The following FAM83F variants were observed in gnomAD, a reference collection of about 807,000 sequenced individuals.
FAM83F encodes protein FAM83F.
FAM83F carries 45 observed loss-of-function variants against 42.9 expected under a neutral mutation model. The ratio of observed to expected loss-of-function variants is 1.05; its 90% CI spans 0.83 to 1.35. The LOEUF is 1.35. FAM83F is among the 40% of genes most tolerant of loss of function. The pLI is 0.00. For missense variants in FAM83F, 617 were observed against 695.9 expected (o/e 0.89, Z 1.28); for synonymous variants, 306 against 298.3 (o/e 1.03, Z -0.27).
chr22:40,013,425 G>A (rs2067477725), intron 1 of FAM83F, among the ~76,000 whole-genome samples: 1 of 152,156 alleles, frequency 6.6e-6, no homozygotes, highest in South Asian at 2.1e-4. Context: ...TTGTGGATGT[G>A]TGTGGGTATA....
At chr22:40,022,718 C>T (rs2067529683) in intron 4 of FAM83F, among the ~76,000 whole-genome samples, 1 of 152,182 alleles carries the variant, frequency 6.6e-6, no homozygotes, top group South Asian at 2.1e-4. Context: ...CGGTGCCTTT[C>T]TCATCTCTGC....
Position 40,021,587 on chromosome 22 carries a change from G to A in FAM83F, c.1077G>A (p.Glu359=), listed in dbSNP as rs750538925. 2 of 1,574,480 alleles carry A rather than the reference G, an allele frequency of 1.3e-6. No homozygotes were observed. Among genetic ancestry groups the A allele is most frequent in the African/African-American group, 2.7e-5 (2 of 74,002 alleles). The part of the protein sequence containing the change: ...REAGGNPEGQ[E]EGASGGESAW... ...CGGGCGGCAACCCGGAGGGGCAGGA[G>A]GAGGGCGCCAGCGGTGGCGAGTCGG... The change falls in exon 4 of 5, where the codon GAG becomes GAA. Residue 359 remains glutamate (E), a synonymous_variant. Coordinates refer to ENST00000333407, the MANE Select transcript of FAM83F (RefSeq NM_138435.4). The surrounding 1 kb of genome is among the most constrained non-coding windows in gnomAD (Gnocchi z 8.7).
rs1383906444 is a variant in FAM83F, at chr22:39,994,968, C to T, written c.-75C>T. ...CCAGGTGAGGCGCCCCGCCCCTCGG[C>T]GGCTCCAGGTGCGGCTGTGGGACCT... On this transcript the variant is annotated 5_prime_UTR_variant, in exon 1 of 5. Coordinates refer to ENST00000333407, the MANE Select transcript of FAM83F (RefSeq NM_138435.4). The T allele has an allele frequency of 5.9e-6, 7 of 1,192,370 alleles. No homozygotes were observed. Among genetic ancestry groups the T allele is most frequent in the Non-Finnish European group, 7.3e-6 (7 of 959,732 alleles). 73.9% of individuals were successfully genotyped at this position (1,192,370 alleles called of 1,614,324 possible).
Position 40,015,598 on chromosome 22 carries a change from G to A in FAM83F, c.490-3570G>A, listed in dbSNP as rs574738592. Among the ~76,000 whole-genome samples, 35 of 152,252 alleles carry A rather than the reference G, an allele frequency of 2.3e-4. No individual in the cohort carries two copies. The South Asian group carries it at 6.4e-3, about 28-fold the overall frequency. On this transcript the variant is annotated intron_variant, in intron 1 of 4. Transcript: ENST00000333407. The stretch of plus-strand genomic sequence containing the variant: ...CCACTCCCCTCCTCAGCCAGTGCCC[G>A]TGTGCAGGACACACTCGTGCAAGGC...
At chr22:40,025,913 G>A (rs962979665) in intron 4 of FAM83F, among the ~76,000 whole-genome samples, 2 of 152,202 alleles carry the variant, frequency 1.3e-5, no homozygotes, top group African/African-American at 4.8e-5. Flanking sequence ...GCCAGCCTAG[G>A]GGAGGAGATC....
At chr22:40,008,045 T>C (rs16985864) in intron 1 of FAM83F, among the ~76,000 whole-genome samples, 2,168 of 152,382 alleles carry the variant, frequency 0.014, 42 homozygotes, top group African/African-American at 0.05. Context: ...ATTCAGCATA[T>C]GGGTGTAGAC....
Position 40,029,712 on chromosome 22 carries a change from G to A in FAM83F, c.*147G>A, listed in dbSNP as rs540812133. The A allele has an allele frequency of 1.4e-5, 17 of 1,180,816 alleles. No homozygotes were observed. Among genetic ancestry groups the A allele is most frequent in the East Asian group, 2.7e-5 (1 of 37,488 alleles). The allele number at this position is 1,180,816 out of a possible 1,614,324, so 73.1% of individuals were successfully genotyped here. ...CAGCCTCCGTCCTGGCCTCAGGGAC[G>A]CTGGATCCCAAATGAGAGGGTCCGA... On this transcript the variant is annotated 3_prime_UTR_variant, in exon 5 of 5. Transcript: ENST00000333407.
rs763993284 is a variant in FAM83F at position 40,019,976 on chromosome 22, G to A, written c.747G>A (p.Val249=). 1.2e-6 allele frequency: 2 copies of A among 1,613,594 alleles called. No homozygotes were observed. ...KGTLSSRFLM[V]DGDKVATGSY... ...CCCTGTCATCAAGGTTCCTGATGGT[G>A]GACGGTGACAAAGTGGCCACTGGAT... Residue 249 remains valine (V), a synonymous_variant, in exon 3 of 5, where the codon GTG becomes GTA. Transcript: ENST00000333407.
chr22:40,008,240 T>A (rs1429727499), intron 1 of FAM83F, among the ~76,000 whole-genome samples: 1 of 152,226 alleles, frequency 6.6e-6, no homozygotes, highest in Non-Finnish European at 1.5e-5. Flanking sequence ...CACCTTGATG[T>A]CTGTGCCGCG....
In FAM83F at chr22:40,041,175, G is replaced by A. The variant is rs1176765457; in HGVS notation, c.*11610G>A. 6.6e-6 allele frequency: 1 copy of A among 152,170 alleles called. No individual in the cohort carries two copies. Among genetic ancestry groups the A allele is most frequent in the African/African-American group, 2.4e-5 (1 of 41,422 alleles). 9.4% of individuals were successfully genotyped at this position (152,170 alleles called of 1,614,324 possible). A position where few individuals can be genotyped will look rare whatever the true frequency, so the allele number is the denominator to read the frequency against. ...CCTCCAGCAAAAAGCCAACTGTATA[G>A]AACACCACATATAGAGCGCTAAGAA... On this transcript the variant is annotated 3_prime_UTR_variant, in exon 5 of 5. Transcript: ENST00000333407.
chr22:40,007,223 T>TCCTCTCCTCC (rs1393077470), intron 1 of FAM83F, among the ~76,000 whole-genome samples: 2 of 136,322 alleles, frequency 1.5e-5, no homozygotes, highest in Non-Finnish European at 3.2e-5. Context: ...CAGCCTCCTC[T>TCCTCTCCTCC]CCTCTCCTCC....
At chr22:40,019,759 G>T in intron 2 of FAM83F, 128 bp from the exon 3 acceptor site, 3 of 1,297,938 alleles carry the variant, frequency 2.3e-6, no homozygotes, top group Non-Finnish European at 3.1e-6. Context: ...AGGAAGCAGA[G>T]CGTCTAGTGA....
intron 1 of FAM83F, among the ~76,000 whole-genome samples, chr22:39,999,700 C>T (rs2067389076): frequency 6.6e-6 from 1 of 152,166 alleles, no homozygotes; most frequent in African/African-American, 2.4e-5. Context: ...GGATTGTAAA[C>T]ACAACGTAGG....
chr22:39,995,625 C>T lies in FAM83F; in HGVS notation c.489+94C>T. 1 of 1,435,318 alleles carries T rather than the reference C, an allele frequency of 7.0e-7. No homozygotes were observed. Among genetic ancestry groups the T allele is most frequent in the South Asian group, 1.5e-5 (1 of 67,624 alleles). The allele number at this position is 1,435,318 out of a possible 1,614,324, so 88.9% of individuals were successfully genotyped here. On this transcript the variant is annotated intron_variant, in intron 1 of 4. Transcript: ENST00000333407. This position sits in a 1 kb window ranked among gnomAD's most constrained non-coding sequence, Gnocchi z 4.6. ...CCCAGGCAGGGCCCGGGGCAGGCCG[C>T]CCTGAGCACCCTCTGGAAAATGGGC...
intron 4 of FAM83F, among the ~76,000 whole-genome samples, chr22:40,024,668 G>A (rs1363050043): frequency 5.9e-5 from 9 of 152,120 alleles, no homozygotes; most frequent in Non-Finnish European, 5.9e-5. Context: ...GAGGGTTTCC[G>A]AGGTCCCCTG....
In FAM83F at chr22:40,035,292, G is replaced by A. The variant is rs1303096690; in HGVS notation, c.*5727G>A. 2 of 152,428 alleles carry A rather than the reference G, an allele frequency of 1.3e-5. No homozygotes were observed. The highest frequency in any genetic ancestry group is 3.8e-4 in the East Asian group (2 of 5,210). The allele number at this position is 152,428 out of a possible 1,614,324, so 9.4% of individuals were successfully genotyped here. ...AGCAAGCGCGTGGGAGCTGGGGGAG[G>A]AAAGGAGCAAAAGGCAAGAACAGGC... On this transcript the variant is annotated 3_prime_UTR_variant, in exon 5 of 5. Coordinates refer to ENST00000333407, the MANE Select transcript of FAM83F (RefSeq NM_138435.4).
intron 1 of FAM83F, among the ~76,000 whole-genome samples, chr22:40,015,346 C>T (rs2067487603): frequency 6.6e-6 from 1 of 152,102 alleles, no homozygotes; most frequent in Admixed American, 6.6e-5. Context: ...CTGCTTTTCT[C>T]GAAGTCCAGT....
intron 3 of FAM83F, 113 bp downstream of exon 3, chr22:40,020,121 G>C (rs750094302): frequency 2.8e-6 from 4 of 1,423,228 alleles, no homozygotes; most frequent in Middle Eastern, 1.9e-4. Flanking sequence ...GGGATCATCT[G>C]ACGCAATAGC....
At chr22:40,025,797 T>C (rs1010361184) in intron 4 of FAM83F, among the ~76,000 whole-genome samples, 6 of 152,174 alleles carry the variant, frequency 3.9e-5, no homozygotes, top group Non-Finnish European at 7.3e-5. Context: ...CATTTTAAAT[T>C]AGGGCCCTCA....
Sources: allele counts gnomAD v4.1 joint callset (sites outside exome capture counted in the v4.1 genomes callset), GRCh38; gene constraint gnomAD v4.1.1; non-coding constraint Gnocchi (gnomAD v3.1); transcripts MANE v1.5; gene names NCBI Gene and HGNC (gene_info 2026-07-23, HGNC 2026-07-21).